Variants in IQCM observed in about 807,000 individuals in gnomAD.
IQCM encodes IQ motif containing M, also known as IQ domain-containing protein M.
IQCM carries 45 observed loss-of-function variants against 57.6 expected under a neutral mutation model. That is an observed-to-expected ratio of 0.78 (90% CI 0.62 to 1.00). The LOEUF (loss-of-function observed/expected upper bound fraction) is 1.00. IQCM is among the 50% of genes least tolerant of loss of function. The probability of loss-of-function intolerance (pLI) is 0.00; values close to 1 mark genes in which losing one functional copy is unlikely to be tolerated. For missense variants in IQCM, 468 were observed against 511.6 expected, an observed-to-expected ratio of 0.91 and a Z score of 0.82; for synonymous variants, 148 against 158.9, an observed-to-expected ratio of 0.93 and a Z score of 0.51.
chr4:149,803,476 C>A (rs1773795096), intron 2 of IQCM, among the ~76,000 whole-genome samples: 1 of 152,096 alleles, frequency 6.6e-6, no homozygotes, highest in East Asian at 1.9e-4. Context: ...TACTAATAAG[C>A]ATGTCAAAGG....
Position 149,425,926 on chromosome 4 carries a change from T to C in IQCM, c.1390+7470A>G, listed in dbSNP as rs114617800. Among the ~76,000 whole-genome samples the C allele has an allele frequency of 4.8e-3, 733 of 152,128 alleles. 6 individuals carry two copies. The highest frequency in any genetic ancestry group is 0.017 in the African/African-American group (699 of 41,540). On this transcript the variant is annotated intron_variant, in intron 13 of 13. Coordinates refer to ENST00000636793, the MANE Select transcript of IQCM (RefSeq NM_001363507.2). ...TATTACTTCAAGATCTATCTACATG[T>C]ATATTTTATACTGCCAGATGTACTC...
At chr4:149,697,606 A>G (rs557985980) in intron 5 of IQCM, among the ~76,000 whole-genome samples, 2 of 152,232 alleles carry the variant, frequency 1.3e-5, no homozygotes, top group South Asian at 4.1e-4. Context: ...TGTCCTTCAG[A>G]TCTCAAATCA....
intron 5 of IQCM, among the ~76,000 whole-genome samples, chr4:149,694,286 G>A (rs1580021249): frequency 6.9e-6 from 1 of 144,812 alleles, no homozygotes; most frequent in South Asian, 2.2e-4. Context: ...GTGCAGTGGC[G>A]GGATCTCGGC....
chr4:149,665,777 A>T (rs1361637880), intron 7 of IQCM, among the ~76,000 whole-genome samples: 5 of 152,180 alleles, frequency 3.3e-5, no homozygotes, highest in African/African-American at 1.2e-4. Flanking sequence ...ACCCACCCTC[A>T]ATCTGGGTAG....
intron 13 of IQCM, among the ~76,000 whole-genome samples, chr4:149,423,012 G>T (rs1422315104): frequency 6.6e-6 from 1 of 152,014 alleles, no homozygotes; most frequent in East Asian, 1.9e-4. Flanking sequence ...ACTGTATGAT[G>T]AAATAGTGTT....
chr4:149,479,411 C>A (rs575217649), intron 12 of IQCM, among the ~76,000 whole-genome samples: 1 of 152,296 alleles, frequency 6.6e-6, no homozygotes, highest in East Asian at 1.9e-4. Flanking sequence ...AATTACAAAT[C>A]TCAATTATTT....
intron 8 of IQCM, among the ~76,000 whole-genome samples, chr4:149,589,437 T>C (rs1752923298): frequency 6.6e-6 from 1 of 152,020 alleles, no homozygotes. Flanking sequence ...AAAGAGCCAA[T>C]GTAAAGATGA....
intron 10 of IQCM, 106 bp downstream of exon 10, chr4:149,563,586 C>CCAAA: frequency 1.2e-6 from 1 of 815,412 alleles, no homozygotes; most frequent in Non-Finnish European, 1.6e-6. Flanking sequence ...AACTCTATCT[C>CCAAA]CAAAAAAAAA....
Position 149,742,666 on chromosome 4 carries a change from T to C in IQCM, c.26A>G (p.Glu9Gly). 2 of 1,231,508 alleles carry C rather than the reference T, an allele frequency of 1.6e-6. No individual in the cohort carries two copies. The highest frequency in any genetic ancestry group is 2.0e-6 in the Non-Finnish European group (2 of 987,476). 76.3% of individuals were successfully genotyped at this position (1,231,508 alleles called of 1,614,324 possible). A position where few individuals can be genotyped will look rare whatever the true frequency, so the allele number is the denominator to read the frequency against. Reference protein sequence around the residue: MTTEEAMPEKAKCPTLEIT... With the variant: MTTEEAMPGKAKCPTLEIT... ...GCACAGATACTCACATTTTGCTTTTTCAGGCATAGCCTCTTCAGTAGTCAT... is the reference window on the plus strand; with the variant it reads ...GCACAGATACTCACATTTTGCTTTTCCAGGCATAGCCTCTTCAGTAGTCAT... Residue 9 changes from glutamate to glycine, a missense_variant, in exon 3 of 14, where the codon GAA becomes GGA. By Grantham distance (98) the Glu-to-Gly change is moderately conservative. Coordinates refer to ENST00000636793, the MANE Select transcript of IQCM (RefSeq NM_001363507.2).
intron 13 of IQCM, among the ~76,000 whole-genome samples, chr4:149,417,496 G>T (rs529231723): frequency 3.3e-5 from 5 of 152,182 alleles, no homozygotes; most frequent in African/African-American, 1.2e-4. Flanking sequence ...ACATATTTCT[G>T]GGTGTCACCT....
At chr4:149,723,204 T>C (rs924030667) in intron 5 of IQCM, among the ~76,000 whole-genome samples, 8 of 152,170 alleles carry the variant, frequency 5.3e-5, no homozygotes, top group African/African-American at 1.9e-4. Context: ...TTTAGGGTTT[T>C]CTACATATAA....
chr4:149,801,674 T>C (rs1057401109), intron 2 of IQCM, among the ~76,000 whole-genome samples: 80 of 151,962 alleles, frequency 5.3e-4, no homozygotes, highest in African/African-American at 1.9e-3. Context: ...CACTTATTTG[T>C]GGTATCTAAA....
At chr4:149,487,526 T>C (rs1741648772) in intron 12 of IQCM, among the ~76,000 whole-genome samples, 2 of 152,112 alleles carry the variant, frequency 1.3e-5, no homozygotes, top group South Asian at 4.1e-4. Context: ...CCTTGTGTCC[T>C]AGGCTGCATT....
At chr4:149,701,586 C>T (rs143320949) in intron 5 of IQCM, among the ~76,000 whole-genome samples, 1 of 152,098 alleles carries the variant, frequency 6.6e-6, no homozygotes, top group Non-Finnish European at 1.5e-5. Context: ...CTGAGCAGTG[C>T]TATGCAATGT....
At chr4:149,548,349 G>A in intron 12 of IQCM, 106 bp downstream of exon 12, 44 of 924,988 alleles carry the variant, frequency 4.8e-5, no homozygotes, top group Non-Finnish European at 6.2e-5. Context: ...TAAAAGTAAG[G>A]GAAGGAATGA....
At chr4:149,754,275 C>T (rs1768747200) in intron 2 of IQCM, among the ~76,000 whole-genome samples, 1 of 152,174 alleles carries the variant, frequency 6.6e-6, no homozygotes, top group Non-Finnish European at 1.5e-5. Flanking sequence ...TGTCCCAACT[C>T]AGGACAACTC....
At chr4:149,765,472 A>G (rs1439188783) in intron 2 of IQCM, among the ~76,000 whole-genome samples, 1 of 152,116 alleles carries the variant, frequency 6.6e-6, no homozygotes, top group African/African-American at 2.4e-5. Flanking sequence ...TCACAAGCTA[A>G]CTGTCCTGGG....
intron 8 of IQCM, among the ~76,000 whole-genome samples, chr4:149,596,618 G>A (rs940370535): frequency 3.3e-5 from 5 of 152,108 alleles, no homozygotes; most frequent in African/African-American, 1.2e-4. Context: ...GAAAGAGAGA[G>A]ACTGTGAGAC....
chr4:149,701,405 C>T (rs1402113321), intron 5 of IQCM, among the ~76,000 whole-genome samples: 2 of 151,900 alleles, frequency 1.3e-5, no homozygotes, highest in South Asian at 2.1e-4. Flanking sequence ...CAGCATGGGA[C>T]GAGGTGTAAT....
Sources: allele counts gnomAD v4.1 joint callset (sites outside exome capture counted in the v4.1 genomes callset), GRCh38; gene constraint gnomAD v4.1.1; transcripts MANE v1.5; gene names NCBI Gene and HGNC (gene_info 2026-07-23, HGNC 2026-07-21).